PML: variants seen among roughly 807,000 people sequenced by gnomAD.
PML encodes the protein PML nuclear body scaffold, also known as protein PML.
Under a neutral mutation model 65.2 loss-of-function variants are expected in PML, and 28 were observed. The ratio of observed to expected loss-of-function variants is 0.43; its 90% confidence interval spans 0.32 to 0.59. The LOEUF is 0.59. PML is among the 20% of genes least tolerant of loss of function. The pLI, the probability that PML is intolerant of heterozygous loss-of-function variation, is 0.08. For synonymous variants in PML, 500 were observed against 508.8 expected (o/e 0.98, Z 0.23); for missense variants, 1,021 against 1,203.4 (o/e 0.85, Z 2.24).
intron 3 of PML, among the ~76,000 whole-genome samples, chr15:74,024,143 G>T (rs1054195666): frequency 6.6e-6 from 1 of 152,172 alleles, no homozygotes; most frequent in Admixed American, 6.5e-5. Context: ...AGGAGTCTTT[G>T]ACTAAATCTC....
At chr15:74,010,947 A>G (rs575226021) in intron 2 of PML, among the ~76,000 whole-genome samples, 17 of 152,338 alleles carry the variant, frequency 1.1e-4, no homozygotes, top group Non-Finnish European at 2.5e-4. Flanking sequence ...AACTGTATAA[A>G]TTAGTGAGTT....
intron 3 of PML, 129 bp from the exon 4 acceptor site, chr15:74,024,728 T>C (rs921596636): frequency 4.5e-5 from 34 of 749,522 alleles, no homozygotes; most frequent in Admixed American, 5.9e-5. Flanking sequence ...TGTCCAGTGC[T>C]TTGGGATGCC....
At chr15:74,040,804 G>A (rs1490891138) in intron 7 of PML, among the ~76,000 whole-genome samples, 2 of 152,208 alleles carry the variant, frequency 1.3e-5, no homozygotes, top group African/African-American at 4.8e-5. Flanking sequence ...AAGCTTGGTG[G>A]AAAGGGGGTG....
rs1415484322 is a variant in PML at position 74,035,212 on chromosome 15, C to T, written c.1710+682C>T. 1.3e-6 allele frequency: 2 copies of T among 1,504,932 alleles called. No homozygotes were observed. 93.2% of individuals were successfully genotyped at this position (1,504,932 alleles called of 1,614,324 possible). A position where few individuals can be genotyped will look rare whatever the true frequency, so the allele number is the denominator to read the frequency against. Reference sequence around the variant, plus strand: ...GAGACCGCCGAGCCACAGTCCTCGCCAGCCCACTCCTCGCCAGCCCACTCC... The same window carrying T: ...GAGACCGCCGAGCCACAGTCCTCGCTAGCCCACTCCTCGCCAGCCCACTCC... On this transcript the variant is annotated intron_variant, in intron 7 of 8. Transcript: ENST00000268058. The surrounding 1 kb of genome is among the most constrained non-coding windows in gnomAD (Gnocchi z 4.1).
In PML at chr15:74,035,080, G is replaced by A; in HGVS notation, c.1710+550G>A. On this transcript the variant is annotated intron_variant, in intron 7 of 8. Coordinates refer to ENST00000268058, the MANE Select transcript of PML (RefSeq NM_033238.3). The surrounding 1 kb of genome is among the most constrained non-coding windows in gnomAD (Gnocchi z 4.1). ...TAGAGGCTGGACTATCACCTGTCCA[G>A]GGGAAAAGGGGATCTGAATAGAGTG... 1 of 1,230,974 alleles carries A rather than the reference G, an allele frequency of 8.1e-7. No individual in the cohort carries two copies. Among genetic ancestry groups the A allele is most frequent in the South Asian group, 1.2e-5 (1 of 83,710 alleles). The allele number at this position is 1,230,974 out of a possible 1,614,324, so 76.3% of individuals were successfully genotyped here.
In PML at chr15:74,044,432, G is replaced by A. The variant is rs371751769; in HGVS notation, c.2073G>A (p.Leu691=). The A allele has an allele frequency of 8.1e-6, 13 of 1,614,078 alleles. No homozygotes were observed. The African/African-American group carries it at 1.7e-4, about 22-fold the overall frequency. ...GCCTCCCAAACTTCTTCCGGGCCCT[G>A]GAGGACATTAACAGGCTGTGGGAAT... ...GPGLPNFFRA[L]EDINRLWEFQ... Residue 691 remains leucine, a synonymous_variant, in exon 9 of 9, where the codon CTG becomes CTA. Coordinates refer to ENST00000268058, the MANE Select transcript of PML (RefSeq NM_033238.3).
chr15:74,037,784 G>GGA lies in PML; in HGVS notation c.1710+3255_1710+3256insAG. ...TTTTCTTGGTTGTGGTGCTCCTGCA[G>GGA]GTTTGCTGCTGGGCCCTTTCCTCTT... On this transcript the variant is annotated intron_variant, in intron 7 of 8. Transcript: ENST00000268058. The surrounding 1 kb of genome is among the most constrained non-coding windows in gnomAD (Gnocchi z 4.2). 2 of 903,934 alleles carry GGA rather than the reference G, an allele frequency of 2.2e-6. No individual in the cohort carries two copies. The highest frequency in any genetic ancestry group is 2.6e-6 in the Non-Finnish European group (2 of 755,532). The allele number at this position is 903,934 out of a possible 1,614,324, so 56.0% of individuals were successfully genotyped here. A position where few individuals can be genotyped will look rare whatever the true frequency, so the allele number is the denominator to read the frequency against.
At chr15:74,012,617 G>A (rs542348857) in intron 2 of PML, among the ~76,000 whole-genome samples, 21 of 152,140 alleles carry the variant, frequency 1.4e-4, no homozygotes, top group Non-Finnish European at 1.9e-4. Context: ...GCCCCATATC[G>A]TTTGTTTTTA....
chr15:74,045,303 C>G lies in PML; in HGVS notation c.*295C>G. The G allele has an allele frequency of 4.6e-6, 2 of 431,402 alleles. No homozygotes were observed. Among genetic ancestry groups the G allele is most frequent in the South Asian group, 3.5e-5 (1 of 28,508 alleles). 26.7% of individuals were successfully genotyped at this position (431,402 alleles called of 1,614,324 possible). A position where few individuals can be genotyped will look rare whatever the true frequency, so the allele number is the denominator to read the frequency against. On this transcript the variant is annotated 3_prime_UTR_variant, in exon 9 of 9. Coordinates refer to ENST00000268058, the MANE Select transcript of PML (RefSeq NM_033238.3). ...GTGAGGAAGGCATGACCTCTGGGCT[C>G]TCTAGGTGGCCCTGGTCTTGCCCCA... is the stretch of plus-strand genomic sequence containing the variant.
At chr15:74,038,290 G>A (rs1237046848) in intron 7 of PML, among the ~76,000 whole-genome samples, 1 of 152,100 alleles carries the variant, frequency 6.6e-6, no homozygotes, top group South Asian at 2.1e-4. Context: ...CAATATTGGG[G>A]GTGGGGCGGG....
At chr15:73,995,032 G>C (rs1816849116) in intron 1 of PML, 91 bp downstream of exon 1, 10 of 1,220,084 alleles carry the variant, frequency 8.2e-6, no homozygotes, top group Non-Finnish European at 1.1e-5. Context: ...GGAGGATTTG[G>C]TCAAGTACCC....
At chr15:74,005,326 C>G (rs927762484) in intron 2 of PML, among the ~76,000 whole-genome samples, 1 of 151,884 alleles carries the variant, frequency 6.6e-6, no homozygotes, top group Non-Finnish European at 1.5e-5. Flanking sequence ...GCTGGGATTA[C>G]AGGTGTGAGC....
At position 74,045,241 on chromosome 15, in the gene PML, C is replaced by T. The variant is rs1021841646; in HGVS notation, c.*233C>T. 1.0e-4 allele frequency: 55 copies of T among 539,138 alleles called. 2 individuals are homozygous for T. The South Asian group carries it at 1.4e-3, about 14-fold the overall frequency. The allele number at this position is 539,138 out of a possible 1,614,324, so 33.4% of individuals were successfully genotyped here. ...TAGGTGTGCACCAGACTCCTATTAGCCCCTCCTTCCAGGAGCTAGAACCAG... is the reference window on the plus strand; with the variant it reads ...TAGGTGTGCACCAGACTCCTATTAGTCCCTCCTTCCAGGAGCTAGAACCAG... On this transcript the variant is annotated 3_prime_UTR_variant, in exon 9 of 9. Transcript: ENST00000268058.
At chr15:74,032,459 C>A in intron 4 of PML, 113 bp from the exon 5 acceptor site, 2 of 1,119,906 alleles carry the variant, frequency 1.8e-6, no homozygotes, top group South Asian at 1.3e-5. Context: ...AGTCAGGGAG[C>A]CTGGACCTGT....
chr15:74,044,390 C>G lies in PML; in HGVS notation c.2031C>G (p.Tyr677Ter). 6.2e-7 allele frequency: 1 copy of G among 1,614,218 alleles called. No individual in the cohort carries two copies. Among genetic ancestry groups the G allele is most frequent in the South Asian group, 1.1e-5 (1 of 91,086 alleles). The change falls in exon 9 of 9, where the codon TAC becomes TAG. Residue 677 changes from tyrosine (Y) to a stop codon, truncating the protein, a stop_gained. Transcript: ENST00000268058. LOFTEE classifies it low-confidence loss of function (END_TRUNC). ...SSMRRPILAC[Y>*]KLWGPGLPNF... ...TGCGCCGCCCTATCTTGGCCTGCTACAAGCTGTGGGGGCCTGGCCTCCCAA... is the reference window on the plus strand; with the variant it reads ...TGCGCCGCCCTATCTTGGCCTGCTAGAAGCTGTGGGGGCCTGGCCTCCCAA...
intron 2 of PML, among the ~76,000 whole-genome samples, chr15:74,007,410 C>T (rs911473941): frequency 3.9e-5 from 6 of 152,190 alleles, no homozygotes; most frequent in South Asian, 4.1e-4. Flanking sequence ...TCCTTGAGCA[C>T]GGTGCATGGC....
intron 7 of PML, chr15:74,041,449 C>T (rs748168181): frequency 1.2e-4 from 18 of 152,394 alleles, no homozygotes; most frequent in African/African-American, 4.1e-4. Flanking sequence ...CGGAGCAAGA[C>T]GTGTGAAATC....
chr15:74,010,673 A>G (rs1391803509), intron 2 of PML, among the ~76,000 whole-genome samples: 1 of 152,152 alleles, frequency 6.6e-6, no homozygotes, highest in East Asian at 1.9e-4. Flanking sequence ...TATGATAGCT[A>G]TTGCCAGATG....
Position 74,046,850 on chromosome 15 carries a change from G to T in PML, c.*1842G>T. ...AAGCCTTTTGCCTGGATAGGAGGGG[G>T]CTCTCCCAGGCATAGGCTTGTGGCC... On this transcript the variant is annotated 3_prime_UTR_variant, in exon 9 of 9. Coordinates refer to ENST00000268058, the MANE Select transcript of PML (RefSeq NM_033238.3). 4.3e-6 allele frequency: 1 copy of T among 230,728 alleles called. No individual in the cohort carries two copies. Among genetic ancestry groups the T allele is most frequent in the East Asian group, 6.1e-5 (1 of 16,262 alleles). 14.3% of individuals were successfully genotyped at this position (230,728 alleles called of 1,614,324 possible). A position where few individuals can be genotyped will look rare whatever the true frequency, so the allele number is the denominator to read the frequency against.
Sources: gnomAD v4.1 joint callset for allele counts (sites outside exome capture counted in the v4.1 genomes callset) on GRCh38, gnomAD v4.1.1 for gene constraint, Gnocchi (gnomAD v3.1) non-coding constraint, MANE v1.5 for transcripts, NCBI Gene and HGNC (gene_info 2026-07-23, HGNC 2026-07-21) for gene names.